Variants in ATP10D observed in about 807,000 individuals in gnomAD.
The protein encoded by ATP10D is phospholipid-transporting ATPase VD.
ATP10D carries 89 observed loss-of-function variants against 144.8 expected under a neutral mutation model. That is an observed-to-expected ratio of 0.61 (90% CI 0.52 to 0.73). The LOEUF (loss-of-function observed/expected upper bound fraction) is 0.73, where lower values mean the gene tolerates loss of function less well. Ranked by LOEUF, ATP10D falls within the 30% of genes least tolerant of loss-of-function variation. ATP10D has a pLI of 0.00. For missense variants in ATP10D, 1,603 were observed against 1,714.8 expected, an observed-to-expected ratio of 0.93 and a Z score of 1.15; for synonymous variants, 571 against 615.1, an observed-to-expected ratio of 0.93 and a Z score of 1.06.
intron 5 of ATP10D, among the ~76,000 whole-genome samples, chr4:47,528,274 T>C (rs1430310580): frequency 1.3e-5 from 2 of 151,820 alleles, no homozygotes; most frequent in Non-Finnish European, 1.5e-5. Context: ...GAGTCCCCAG[T>C]GTCTATTATT....
chr4:47,499,983 G>A (rs770555310), intron 1 of ATP10D, among the ~76,000 whole-genome samples: 4 of 152,188 alleles, frequency 2.6e-5, no homozygotes, highest in Non-Finnish European at 5.9e-5. Flanking sequence ...AAGAGCTGTA[G>A]TGAGCTACAT....
At position 47,576,993 on chromosome 4, in the gene ATP10D, T is replaced by C. The variant is rs1720274163; in HGVS notation, c.3567+20T>C. On this transcript the variant is annotated intron_variant, in intron 19 of 22. Transcript: ENST00000273859. Reference sequence around the variant, plus strand: ...TCAGAGGTAGGTGTTAAAGCAAGAGTGCTTGGATGGATGCATATCCATTGT... The same window carrying C: ...TCAGAGGTAGGTGTTAAAGCAAGAGCGCTTGGATGGATGCATATCCATTGT... 1 of 1,609,384 alleles carries C rather than the reference T, an allele frequency of 6.2e-7. No homozygotes were observed. Among genetic ancestry groups the C allele is most frequent in the Non-Finnish European group, 8.5e-7 (1 of 1,175,908 alleles).
intron 15 of ATP10D, among the ~76,000 whole-genome samples, chr4:47,564,442 C>T (rs74785433): frequency 1.1e-4 from 17 of 152,018 alleles, no homozygotes; most frequent in Non-Finnish European, 2.2e-4. Context: ...ATCTACCTCC[C>T]TTTTAAGATA....
In ATP10D at chr4:47,512,593, G is replaced by A. The variant is rs1716397243; in HGVS notation, c.53G>A (p.Gly18Asp). Residue 18 changes from glycine (G) to aspartate (D), a missense_variant, in exon 2 of 23, where the codon GGT (glycine) becomes GAT (aspartate). Physicochemically the swap from Gly to Asp is moderately conservative, Grantham distance 94. Coordinates refer to ENST00000273859, the MANE Select transcript of ATP10D (RefSeq NM_020453.4). The stretch of plus-strand genomic sequence containing the variant: ...TATCACTGGCGACGGCTGATCAGAG[G>A]TGCAACCAGGGATGATGATTCAGGG... ...ARYHWRRLIR[G>D]ATRDDDSGPY... 2.5e-6 allele frequency: 4 copies of A among 1,614,014 alleles called. No individual in the cohort carries two copies. Among genetic ancestry groups the A allele is most frequent in the Non-Finnish European group, 1.7e-6 (2 of 1,180,022 alleles).
chr4:47,580,588 T>C, intron 20 of ATP10D, 110 bp downstream of exon 20: 7 of 941,106 alleles, frequency 7.4e-6, no homozygotes, highest in Non-Finnish European at 1.0e-5. Context: ...TATAATCAGG[T>C]TGATTATTAA....
At position 47,512,613 on chromosome 4, in the gene ATP10D, TCAGGGC is replaced by T. The variant is rs756926242; in HGVS notation, c.76_81del (p.Gly26_Pro27del). ...CAGAGGTGCAACCAGGGATGATGAT[TCAGGGC>T]CATACAACTATTCCTCGTTGCTCGC... is the stretch of plus-strand genomic sequence containing the variant. On this transcript the variant is annotated inframe_deletion, in exon 2 of 23. Transcript: ENST00000273859. 6 of 1,614,032 alleles carry T rather than the reference TCAGGGC, an allele frequency of 3.7e-6. No individual in the cohort carries two copies. In the South Asian group the frequency reaches 6.6e-5, roughly 18 times the overall value.
chr4:47,583,609 A>G (rs1720637642), intron 21 of ATP10D, among the ~76,000 whole-genome samples: 1 of 152,202 alleles, frequency 6.6e-6, no homozygotes, highest in Non-Finnish European at 1.5e-5. Flanking sequence ...TACCTATTCA[A>G]TTTTTAAGCA....
intron 21 of ATP10D, chr4:47,583,123 C>G (rs1184906352): frequency 6.6e-6 from 1 of 152,260 alleles, no homozygotes; most frequent in African/African-American, 2.4e-5. Flanking sequence ...GCTTGGGAAA[C>G]AGAGAGAAAC....
chr4:47,591,317 A>C lies in ATP10D; in HGVS notation c.4217A>C (p.Asp1406Ala). ...GNLSLCETALDQGYSETKAFE... is the reference protein window; with the variant it reads ...GNLSLCETALAQGYSETKAFE... ...TTATCTCTGTGTGAAACTGCTTTAG[A>C]TCAAGGCTACTCTGAAACTAAGGCC... is the stretch of plus-strand genomic sequence containing the variant. The change falls in exon 23 of 23, where the codon GAT becomes GCT. Residue 1406 changes from aspartate to alanine, a missense_variant. By Grantham distance (126) the Asp-to-Ala change is moderately radical. Coordinates refer to ENST00000273859, the MANE Select transcript of ATP10D (RefSeq NM_020453.4). 6.2e-7 allele frequency: 1 copy of C among 1,612,648 alleles called. No individual in the cohort carries two copies. The highest frequency in any genetic ancestry group is 8.5e-7 in the Non-Finnish European group (1 of 1,178,700).
intron 1 of ATP10D, among the ~76,000 whole-genome samples, chr4:47,487,089 C>A (rs901342445): frequency 2.6e-5 from 4 of 151,974 alleles, no homozygotes; most frequent in Non-Finnish European, 4.4e-5. Flanking sequence ...ATTGGCTGGG[C>A]GTGGTGGTGC....
intron 1 of ATP10D, among the ~76,000 whole-genome samples, chr4:47,506,074 A>G (rs1716005980): frequency 6.6e-6 from 1 of 152,322 alleles, no homozygotes; most frequent in South Asian, 2.1e-4. Flanking sequence ...GGAACTTAGT[A>G]TCTTTTAGAT....
chr4:47,530,933 G>C (rs1009458200), intron 5 of ATP10D, among the ~76,000 whole-genome samples: 4 of 152,134 alleles, frequency 2.6e-5, no homozygotes, highest in African/African-American at 9.7e-5. Context: ...GTATTCATCA[G>C]GGATATTAGC....
At chr4:47,491,320 C>G in intron 1 of ATP10D, 1 of 865,856 alleles carries the variant, frequency 1.2e-6, no homozygotes, top group Non-Finnish European at 1.9e-6. Context: ...CCTTTTTGAA[C>G]AGTACCCATT....
intron 3 of ATP10D, among the ~76,000 whole-genome samples, chr4:47,521,268 T>C (rs1386031666): frequency 1.3e-5 from 2 of 152,184 alleles, no homozygotes; most frequent in Non-Finnish European, 2.9e-5. Context: ...AAACTGAAGT[T>C]ATCTCACCTG....
At position 47,512,836 on chromosome 4, in the gene ATP10D, G is replaced by A. The variant is rs553312410; in HGVS notation, c.290+6G>A. On this transcript the variant is annotated splice_donor_region_variant and intron_variant, in intron 2 of 22. Transcript: ENST00000273859. ...TTATTTGAACAATTTCACAGGTACT[G>A]TTTTATTTTTGAAGAAAACCTTAGA... 3.8e-4 allele frequency: 603 copies of A among 1,589,196 alleles called. 8 individuals are homozygous for A. The South Asian group carries it at 6.4e-3, about 17-fold the overall frequency.
At chr4:47,517,075 A>G (rs150068711) in intron 3 of ATP10D, among the ~76,000 whole-genome samples, 5 of 152,356 alleles carry the variant, frequency 3.3e-5, no homozygotes, top group African/African-American at 9.6e-5. Flanking sequence ...TAGCAAATGG[A>G]AAGAATGCTT....
At chr4:47,576,069 C>A (rs921036889) in intron 18 of ATP10D, among the ~76,000 whole-genome samples, 6 of 150,476 alleles carry the variant, frequency 4.0e-5, no homozygotes, top group African/African-American at 7.3e-5. Context: ...GTAGCTGGGA[C>A]TACAGGCGCC....
rs556380458 is a variant in ATP10D, at chr4:47,592,575, C to T, written c.*1194C>T. The T allele has an allele frequency of 3.3e-5, 5 of 152,562 alleles. No homozygotes were observed. The South Asian group carries it at 1.0e-3, about 32-fold the overall frequency. 9.5% of individuals were successfully genotyped at this position (152,562 alleles called of 1,614,324 possible). ...ATTCCTGTTGAAGTTCTTTTGAAGTCCTATCTCTATTTATTATATTTGAAA... is the reference window on the plus strand; with the variant it reads ...ATTCCTGTTGAAGTTCTTTTGAAGTTCTATCTCTATTTATTATATTTGAAA... On this transcript the variant is annotated 3_prime_UTR_variant, in exon 23 of 23. Coordinates refer to ENST00000273859, the MANE Select transcript of ATP10D (RefSeq NM_020453.4).
At chr4:47,504,775 A>G (rs1371490419) in intron 1 of ATP10D, among the ~76,000 whole-genome samples, 2 of 152,090 alleles carry the variant, frequency 1.3e-5, no homozygotes, top group African/African-American at 2.4e-5. Flanking sequence ...GTGTTAGCCA[A>G]AATGGTCTCG....
Sources: gnomAD v4.1 joint callset for allele counts (sites outside exome capture counted in the v4.1 genomes callset) on GRCh38, gnomAD v4.1.1 for gene constraint, MANE v1.5 for transcripts, NCBI Gene and HGNC (gene_info 2026-07-23, HGNC 2026-07-21) for gene names.